Variants in PACRG observed in about 807,000 individuals in gnomAD.
The protein encoded by PACRG is parkin coregulated gene protein.
In PACRG, 29 loss-of-function variants were observed where a neutral mutation model predicts 29.7. That is an observed-to-expected ratio of 0.98 (90% confidence interval 0.73 to 1.33). The LOEUF is 1.33. Among genes scored for constraint, PACRG ranks in the 40% most tolerant of loss-of-function variants. PACRG has a pLI of 0.00. For missense variants in PACRG, 279 were observed against 316.2 expected (o/e 0.88, Z 0.89); for synonymous variants, 116 against 118.7 (o/e 0.98, Z 0.15).
chr6:163,176,918 T>C (rs1469298883), intron 4 of PACRG, among the ~76,000 whole-genome samples: 1 of 152,170 alleles, frequency 6.6e-6, no homozygotes, highest in African/African-American at 2.4e-5. Flanking sequence ...CAGTCAGCTG[T>C]CGTTGAATAC....
At chr6:162,727,559 T>C, upstream of PACRG, 1 of 1,280,108 alleles carries the variant, frequency 7.8e-7, no homozygotes, top group Non-Finnish European at 1.1e-6. Context: ...GCCCCGTCAT[T>C]GACAGTTGGC....
chr6:163,238,617 C>A (rs1465059608), intron 4 of PACRG, among the ~76,000 whole-genome samples: 1 of 152,236 alleles, frequency 6.6e-6, no homozygotes, highest in African/African-American at 2.4e-5. Context: ...CCACATGGGG[C>A]ATTTTAGCCA....
At chr6:162,881,229 G>T (rs189853226) in intron 2 of PACRG, among the ~76,000 whole-genome samples, 15 of 152,274 alleles carry the variant, frequency 9.9e-5, no homozygotes, top group African/African-American at 3.6e-4. Context: ...TACTCCAGGG[G>T]CTGCCTGATG....
At chr6:162,815,852 T>A (rs1787290487) in intron 2 of PACRG, among the ~76,000 whole-genome samples, 1 of 152,114 alleles carries the variant, frequency 6.6e-6, no homozygotes, top group South Asian at 2.1e-4. Flanking sequence ...AAAACCTGAT[T>A]CCTGTTGAGT....
At chr6:163,300,365 G>A (rs778569099) in intron 4 of PACRG, among the ~76,000 whole-genome samples, 2 of 152,236 alleles carry the variant, frequency 1.3e-5, no homozygotes, top group South Asian at 2.1e-4. Flanking sequence ...GGAAGAGGAC[G>A]GAGGGTTTCT....
intron 2 of PACRG, among the ~76,000 whole-genome samples, chr6:162,990,275 A>G (rs968191105): frequency 1.3e-4 from 20 of 151,660 alleles, no homozygotes; most frequent in African/African-American, 4.6e-4. Flanking sequence ...GGCTGGGTCA[A>G]ATGGTATTTC....
intron 1 of PACRG, among the ~76,000 whole-genome samples, chr6:162,784,563 A>G (rs551559741): frequency 1.3e-5 from 2 of 152,184 alleles, no homozygotes; most frequent in African/African-American, 4.8e-5. Context: ...TGTTTGTCAT[A>G]GCAAATTCTG....
intron 1 of PACRG, among the ~76,000 whole-genome samples, chr6:162,764,868 C>G (rs994710257): frequency 6.6e-6 from 1 of 151,758 alleles, no homozygotes; most frequent in Non-Finnish European, 1.5e-5. Context: ...CTCAGCCTCC[C>G]TAGTAGCTGG....
intron 4 of PACRG, among the ~76,000 whole-genome samples, chr6:163,286,765 G>T (rs1429395957): frequency 6.6e-6 from 1 of 152,102 alleles, no homozygotes. Context: ...TCCGCAACAG[G>T]TCACTTTAAA....
chr6:162,816,847 C>T (rs2128367762), intron 2 of PACRG, among the ~76,000 whole-genome samples: 1 of 152,282 alleles, frequency 6.6e-6, no homozygotes, highest in East Asian at 1.9e-4. Flanking sequence ...AAACTAAAAG[C>T]AAGAGGCCAA....
chr6:163,286,768 A>C (rs1784414189), intron 4 of PACRG, among the ~76,000 whole-genome samples: 1 of 152,166 alleles, frequency 6.6e-6, no homozygotes, highest in Non-Finnish European at 1.5e-5. Context: ...GCAACAGGTC[A>C]CTTTAAAACT....
chr6:163,171,499 A>G (rs1297215176), intron 4 of PACRG, among the ~76,000 whole-genome samples: 1 of 152,194 alleles, frequency 6.6e-6, no homozygotes, highest in Non-Finnish European at 1.5e-5. Flanking sequence ...GCGGTTAAGC[A>G]ATTTGCCCAT....
intron 2 of PACRG, among the ~76,000 whole-genome samples, chr6:162,947,359 A>ATATATATCATATATGATCATATATGAT (rs376521730): frequency 2.7e-5 from 1 of 36,700 alleles, no homozygotes; most frequent in Non-Finnish European, 5.2e-5. Context: ...ACATATATAT[A>ATATATATCATATATGATCATATATGAT]ATGTAATCAT....
At chr6:162,947,398 T>TCATAC (rs1485775638) in intron 2 of PACRG, among the ~76,000 whole-genome samples, 1 of 128,256 alleles carries the variant, frequency 7.8e-6, no homozygotes, top group African/African-American at 3.0e-5. Flanking sequence ...TCATATATAA[T>TCATAC]ATATAATCAT....
chr6:163,018,619 A>G (rs933137292), intron 2 of PACRG, among the ~76,000 whole-genome samples: 9 of 152,194 alleles, frequency 5.9e-5, no homozygotes, highest in Non-Finnish European at 1.2e-4. Flanking sequence ...GTGAATTGGT[A>G]ATTTCGCCCA....
At chr6:162,790,518 A>G (rs1306280370) in intron 1 of PACRG, among the ~76,000 whole-genome samples, 2 of 150,256 alleles carry the variant, frequency 1.3e-5, no homozygotes, top group Non-Finnish European at 3.0e-5. Context: ...TTTTCTCCAT[A>G]TATATATATA....
chr6:163,106,769 A>G (rs1179851354), intron 4 of PACRG, among the ~76,000 whole-genome samples: 1 of 152,214 alleles, frequency 6.6e-6, no homozygotes, highest in Non-Finnish European at 1.5e-5. Context: ...TTCATGCACA[A>G]TAGTTTGTCC....
At chr6:163,067,219 A>G (rs1220172594) in intron 3 of PACRG, among the ~76,000 whole-genome samples, 1 of 152,174 alleles carries the variant, frequency 6.6e-6, no homozygotes, top group Non-Finnish European at 1.5e-5. Flanking sequence ...ATGCGAACGG[A>G]CCTGAGATGC....
intron 4 of PACRG, chr6:163,179,394 TAA>T (rs5881511): frequency 0.14 from 29,295 of 215,732 alleles, 612 homozygotes; most frequent in South Asian, 0.2. Flanking sequence ...TTCTTTAAAT[TAA>T]AAAAAAAAAA....
Sources: allele counts gnomAD v4.1 joint callset (sites outside exome capture counted in the v4.1 genomes callset), GRCh38; gene constraint gnomAD v4.1.1; transcripts MANE v1.5; gene names NCBI Gene and HGNC (gene_info 2026-07-23, HGNC 2026-07-21).